The following TMEFF1 variants were observed in gnomAD, a reference collection of about 807,000 sequenced individuals.
The protein encoded by TMEFF1 is tomoregulin-1.
Under a neutral mutation model 47.5 loss-of-function variants are expected in TMEFF1, and 20 were observed. That is an observed-to-expected ratio of 0.42 (90% CI 0.30 to 0.61). TMEFF1 has a LOEUF of 0.61. Ranked by LOEUF, TMEFF1 falls within the 20% of genes least tolerant of loss-of-function variation. TMEFF1 has a pLI of 0.19. For missense variants in TMEFF1, 411 were observed against 471.1 expected, an observed-to-expected ratio of 0.87 and a Z score of 1.18; for synonymous variants, 162 against 166.3, an observed-to-expected ratio of 0.97 and a Z score of 0.20.
intron 5 of TMEFF1, among the ~76,000 whole-genome samples, chr9:100,533,141 T>G: frequency 6.7e-6 from 1 of 148,728 alleles, no homozygotes; most frequent in South Asian, 2.3e-4. Flanking sequence ...TAATGCTAGA[T>G]GACGATTTAG....
intron 1 of TMEFF1, among the ~76,000 whole-genome samples, chr9:100,484,928 C>T (rs1409066228): frequency 2.0e-5 from 3 of 152,084 alleles, no homozygotes; most frequent in African/African-American, 2.4e-5. Flanking sequence ...CTGCCTGCCT[C>T]GGCCTCCTAA....
At chr9:100,474,074 G>C (rs1044564328) in intron 1 of TMEFF1, among the ~76,000 whole-genome samples, 3 of 151,758 alleles carry the variant, frequency 2.0e-5, no homozygotes, top group Admixed American at 1.3e-4. Flanking sequence ...GCTCGCGGGA[G>C]CGTGTGTTTG....
At chr9:100,556,432 A>G (rs1838916637) in intron 7 of TMEFF1, among the ~76,000 whole-genome samples, 1 of 152,152 alleles carries the variant, frequency 6.6e-6, no homozygotes, top group Non-Finnish European at 1.5e-5. Flanking sequence ...AGTGCTGGGT[A>G]CCACTCTTCA....
At chr9:100,557,233 T>C (rs1309043639) in intron 7 of TMEFF1, among the ~76,000 whole-genome samples, 1 of 151,918 alleles carries the variant, frequency 6.6e-6, no homozygotes, top group Non-Finnish European at 1.5e-5. Context: ...AATCTAATTT[T>C]AGAACATTTT....
At chr9:100,490,867 G>GTGTA (rs1554682735) in intron 1 of TMEFF1, among the ~76,000 whole-genome samples, 1 of 150,420 alleles carries the variant, frequency 6.6e-6, no homozygotes, top group African/African-American at 2.5e-5. Context: ...GTGTGTGTGT[G>GTGTA]TGTGTATGTG....
chr9:100,562,896 C>T (rs1427784281), intron 8 of TMEFF1, among the ~76,000 whole-genome samples: 1 of 152,188 alleles, frequency 6.6e-6, no homozygotes, highest in African/African-American at 2.4e-5. Flanking sequence ...CGGCTCACTG[C>T]AACCTCCGCC....
At chr9:100,490,001 G>C (rs1837519716) in intron 1 of TMEFF1, among the ~76,000 whole-genome samples, 1 of 152,010 alleles carries the variant, frequency 6.6e-6, no homozygotes, top group Non-Finnish European at 1.5e-5. Context: ...GGAGAGTCCT[G>C]ATACAGGCAT....
chr9:100,530,648 A>G (rs1451192881), intron 5 of TMEFF1, among the ~76,000 whole-genome samples: 3 of 152,286 alleles, frequency 2.0e-5, no homozygotes, highest in African/African-American at 7.2e-5. Context: ...GCCGAATTCT[A>G]CCAGAGGTAC....
chr9:100,565,415 G>C (rs1234340626), intron 8 of TMEFF1, among the ~76,000 whole-genome samples: 1 of 152,116 alleles, frequency 6.6e-6, no homozygotes, highest in African/African-American at 2.4e-5. Context: ...GTTCCTCCCA[G>C]CTCTCCACCC....
chr9:100,531,140 A>G (rs369792344), intron 5 of TMEFF1, among the ~76,000 whole-genome samples: 3 of 152,180 alleles, frequency 2.0e-5, no homozygotes, highest in Non-Finnish European at 2.9e-5. Flanking sequence ...ATACTGAATG[A>G]GCAAAAACTG....
rs537079321 is a variant in TMEFF1 at position 100,571,282 on chromosome 9, G to A, written c.900-1236G>A. On this transcript the variant is annotated intron_variant, in intron 8 of 9. Transcript: ENST00000374879. The stretch of plus-strand genomic sequence containing the variant: ...AAGGAATAACACTAAATATAGAAAA[G>A]CGCATATTCACCAAGATGTTTACCA... Among the ~76,000 whole-genome samples the A allele has an allele frequency of 3.9e-5, 6 of 152,194 alleles. No homozygotes were observed. In the East Asian group the frequency reaches 1.2e-3, roughly 29 times the overall value.
intron 1 of TMEFF1, among the ~76,000 whole-genome samples, chr9:100,491,204 T>A (rs1286745034): frequency 6.6e-6 from 1 of 152,176 alleles, no homozygotes; most frequent in East Asian, 1.9e-4. Flanking sequence ...CTATTTTCAG[T>A]ATAGAGATCA....
intron 2 of TMEFF1, among the ~76,000 whole-genome samples, chr9:100,500,409 T>A (rs1176447808): frequency 6.6e-6 from 1 of 152,200 alleles, no homozygotes; most frequent in Non-Finnish European, 1.5e-5. Context: ...TGATACTGTC[T>A]CAAGGTCCCT....
chr9:100,561,238 TG>T (rs1839007577), intron 7 of TMEFF1, among the ~76,000 whole-genome samples, 158 bp from the exon 8 acceptor site: 2 of 152,250 alleles, frequency 1.3e-5, no homozygotes, highest in African/African-American at 4.8e-5. Context: ...GAAGAGACCC[TG>T]GATCTTATCT....
intron 5 of TMEFF1, among the ~76,000 whole-genome samples, chr9:100,523,723 T>G (rs1373026361): frequency 6.6e-6 from 1 of 152,148 alleles, no homozygotes; most frequent in Non-Finnish European, 1.5e-5. Flanking sequence ...CTATATAGGG[T>G]TAAGAAAAAA....
chr9:100,539,660 A>C (rs1167668162), intron 5 of TMEFF1, among the ~76,000 whole-genome samples: 1 of 152,118 alleles, frequency 6.6e-6, no homozygotes, highest in Non-Finnish European at 1.5e-5. Context: ...CGCGGACCCA[A>C]AGAGTGAGCA....
intron 7 of TMEFF1, among the ~76,000 whole-genome samples, chr9:100,554,280 A>G (rs1262277622): frequency 6.6e-6 from 1 of 152,164 alleles, no homozygotes; most frequent in Non-Finnish European, 1.5e-5. Context: ...CATCAAAAGG[A>G]AAGACTGTGA....
At chr9:100,474,129 C>CTGTG (rs374866399) in intron 1 of TMEFF1, among the ~76,000 whole-genome samples, 3 of 123,892 alleles carry the variant, frequency 2.4e-5, no homozygotes, top group South Asian at 3.0e-4. Flanking sequence ...AGGCAGGGAT[C>CTGTG]TGTGTGTGTG....
intron 1 of TMEFF1, among the ~76,000 whole-genome samples, chr9:100,492,248 A>G (rs1378954153): frequency 6.6e-6 from 1 of 152,216 alleles, no homozygotes; most frequent in Non-Finnish European, 1.5e-5. Flanking sequence ...TAATCCCTTT[A>G]AAAAGGAAGC....
Sources: gnomAD v4.1 joint callset for allele counts (sites outside exome capture counted in the v4.1 genomes callset) on GRCh38, gnomAD v4.1.1 for gene constraint, MANE v1.5 for transcripts, NCBI Gene and HGNC (gene_info 2026-07-23, HGNC 2026-07-21) for gene names.